RAB3GAP2: variants seen among roughly 807,000 people sequenced by gnomAD.
RAB3GAP2 encodes the protein rab3 GTPase-activating protein non-catalytic subunit.
RAB3GAP2 carries 87 observed loss-of-function variants against 185.3 expected under a neutral mutation model. The ratio of observed to expected loss-of-function variants is 0.47; its 90% confidence interval spans 0.39 to 0.56. The LOEUF (loss-of-function observed/expected upper bound fraction) is 0.56, where lower values mean the gene tolerates loss of function less well. Among genes scored for constraint, RAB3GAP2 ranks in the 20% least tolerant of loss-of-function variants. RAB3GAP2 has a pLI of 0.00. For synonymous variants in RAB3GAP2, 554 were observed against 576.1 expected (o/e 0.96, Z 0.55); for missense variants, 1,492 against 1,638.2 (o/e 0.91, Z 1.54).
intron 1 of RAB3GAP2, among the ~76,000 whole-genome samples, chr1:220,262,326 CA>C (rs1198813662): frequency 6.6e-6 from 1 of 151,530 alleles, no homozygotes; most frequent in Non-Finnish European, 1.5e-5. Context: ...AACAAACAAA[CA>C]AACAAAAAAA....
intron 1 of RAB3GAP2, among the ~76,000 whole-genome samples, chr1:220,257,622 T>C (rs1660055576): frequency 6.6e-6 from 1 of 152,038 alleles, no homozygotes; most frequent in Admixed American, 6.6e-5. Context: ...ATCAAAAAGC[T>C]AGAAGGATCT....
intron 1 of RAB3GAP2, among the ~76,000 whole-genome samples, chr1:220,250,936 T>A (rs1369156292): frequency 3.9e-5 from 6 of 152,222 alleles, no homozygotes; most frequent in African/African-American, 9.6e-5. Flanking sequence ...CCTCTTTTTT[T>A]AATAAATTAC....
At chr1:220,185,528 TATATC>T (rs1658491853) in intron 18 of RAB3GAP2, 118 bp downstream of exon 18, 1 of 677,656 alleles carries the variant, frequency 1.5e-6, no homozygotes, top group Non-Finnish European at 2.6e-6. Context: ...CTTAATTTCT[TATATC>T]TATATTACTT....
At chr1:220,218,787 T>G (rs1489519307) in intron 2 of RAB3GAP2, among the ~76,000 whole-genome samples, 1 of 151,442 alleles carries the variant, frequency 6.6e-6, no homozygotes, top group Non-Finnish European at 1.5e-5. Flanking sequence ...TGCAATGGTG[T>G]TGTGCTCTTA....
At chr1:220,179,883 G>C (rs1658368005) in intron 21 of RAB3GAP2, among the ~76,000 whole-genome samples, 1 of 152,138 alleles carries the variant, frequency 6.6e-6, no homozygotes, top group Non-Finnish European at 1.5e-5. Flanking sequence ...AGGGAAGTCG[G>C]CCGGGTGCGG....
At chr1:220,211,055 T>G in intron 4 of RAB3GAP2, 53 bp from the exon 5 acceptor site, 1 of 1,522,610 alleles carries the variant, frequency 6.6e-7, no homozygotes. Context: ...CCAATTACTT[T>G]TATTTCTCTA....
At chr1:220,206,128 G>T (rs1658961039) in intron 7 of RAB3GAP2, 122 bp from the exon 8 acceptor site, 1 of 646,344 alleles carries the variant, frequency 1.5e-6, no homozygotes, top group Non-Finnish European at 2.7e-6. Context: ...ATATCAGGCA[G>T]AAGAACAGTA....
chr1:220,245,342 A>C (rs1659784340), intron 1 of RAB3GAP2, among the ~76,000 whole-genome samples: 1 of 152,240 alleles, frequency 6.6e-6, no homozygotes, highest in South Asian at 2.1e-4. Context: ...AGGGCGAGGC[A>C]TTGCCTCACT....
chr1:220,189,738 T>A lies in RAB3GAP2; in HGVS notation c.1744A>T (p.Ile582Phe). The A allele has an allele frequency of 1.3e-6, 2 of 1,539,988 alleles. No individual in the cohort carries two copies. The highest frequency in any genetic ancestry group is 1.8e-6 in the Non-Finnish European group (2 of 1,126,560). Reference protein sequence around the residue: ...DLVETEIKELILDIKYPATKK... With the variant: ...DLVETEIKELFLDIKYPATKK... ...GTTGCAGGGTATTTAATATCAAGAA[T>A]TAATTCCTTTATTTCTGTTTCAACC... The change falls in exon 17 of 35, where the codon ATT (isoleucine) becomes TTT (phenylalanine). Residue 582 changes from isoleucine (I) to phenylalanine (F), a missense_variant. Ile to Phe is a conservative substitution (Grantham distance 21). This residue lies in a region of RAB3GAP2 where 681 missense variants were observed against 689.1 expected (regional missense o/e 0.99). Coordinates refer to ENST00000358951, the MANE Select transcript of RAB3GAP2 (RefSeq NM_012414.4).
intron 2 of RAB3GAP2, among the ~76,000 whole-genome samples, chr1:220,227,422 G>C (rs1659421112): frequency 6.6e-6 from 1 of 152,148 alleles, no homozygotes; most frequent in Non-Finnish European, 1.5e-5. Flanking sequence ...GAACATAAAA[G>C]TCATTTTCTG....
intron 1 of RAB3GAP2, among the ~76,000 whole-genome samples, chr1:220,246,111 C>A (rs374089336): frequency 6.6e-6 from 1 of 152,042 alleles, no homozygotes; most frequent in Non-Finnish European, 1.5e-5. Flanking sequence ...AAAAAGTGGG[C>A]GAAGGACATG....
intron 23 of RAB3GAP2, 48 bp from the exon 24 acceptor site, chr1:220,171,168 T>C: frequency 1.3e-6 from 2 of 1,534,590 alleles, no homozygotes; most frequent in Non-Finnish European, 1.8e-6. Context: ...TCTGAATCAA[T>C]ATTAACTTGA....
intron 7 of RAB3GAP2, among the ~76,000 whole-genome samples, chr1:220,206,423 T>C (rs1241721978): frequency 1.3e-5 from 2 of 152,220 alleles, no homozygotes; most frequent in Non-Finnish European, 2.9e-5. Flanking sequence ...CTAACATGTT[T>C]TTTACTACTC....
In RAB3GAP2 at chr1:220,210,453, C is replaced by T. The variant is rs752679335; in HGVS notation, c.547G>A (p.Asp183Asn). 5.0e-6 allele frequency: 8 copies of T among 1,613,922 alleles called. No homozygotes were observed. The East Asian group carries it at 1.3e-4, about 27-fold the overall frequency. ...VLLLAQLLNE[D>N]PVLQLKCRTY... The stretch of plus-strand genomic sequence containing the variant: ...CTGCATTTAAGTTGAAGTACTGGGT[C>T]CTCATTCAAAAGCTGTGCAAGCAAG... The change falls in exon 7 of 35, where the codon GAC becomes AAC. Residue 183 changes from aspartate to asparagine, a missense_variant. Asp to Asn is a conservative substitution (Grantham distance 23, BLOSUM62 1). Transcript: ENST00000358951.
At chr1:220,267,624 C>G in intron 1 of RAB3GAP2, 2 of 1,401,202 alleles carry the variant, frequency 1.4e-6, no homozygotes. Context: ...GGACTGCTTG[C>G]TGTTTTGGGT....
intron 2 of RAB3GAP2, among the ~76,000 whole-genome samples, chr1:220,218,332 G>A (rs1659237357): frequency 6.6e-6 from 1 of 151,994 alleles, no homozygotes; most frequent in Non-Finnish European, 1.5e-5. Flanking sequence ...GTACAACTGA[G>A]CATTACATAT....
chr1:220,253,095 A>C (rs1659968888), intron 1 of RAB3GAP2, among the ~76,000 whole-genome samples: 1 of 152,198 alleles, frequency 6.6e-6, no homozygotes, highest in Non-Finnish European at 1.5e-5. Flanking sequence ...TGTGGAGAAT[A>C]GACAGTTTAC....
rs1219361148 is a variant in RAB3GAP2, at chr1:220,246,688, C to T, written c.116-13825G>A. On this transcript the variant is annotated intron_variant, in intron 1 of 34. Coordinates refer to ENST00000358951, the MANE Select transcript of RAB3GAP2 (RefSeq NM_012414.4). ...CGCAAGAACAAAAAACCAAACACCG[C>T]ATATTCTCACTCATAGGTGGGAATT... 3.8e-5 allele frequency among the ~76,000 whole-genome samples: 5 copies of T among 131,714 alleles called. No homozygotes were observed. The South Asian group carries it at 1.1e-3, about 28-fold the overall frequency. 86.4% of individuals were successfully genotyped at this position (131,714 alleles called of 152,430 possible).
rs1396871266 is a variant in RAB3GAP2 at position 220,148,833 on chromosome 1, C to T, written c.*2418G>A. The T allele has an allele frequency of 6.6e-6, 1 of 152,086 alleles. No homozygotes were observed. Among genetic ancestry groups the T allele is most frequent in the African/African-American group, 2.4e-5 (1 of 41,418 alleles). 9.4% of individuals were successfully genotyped at this position (152,086 alleles called of 1,614,324 possible). On this transcript the variant is annotated 3_prime_UTR_variant, in exon 35 of 35. Transcript: ENST00000358951. ...TACCCTGGCCCCTCTAGTTCTGCAT[C>T]TAAACAGAACCTGTAATGTAGAAGT...
Sources: allele counts gnomAD v4.1 joint callset (sites outside exome capture counted in the v4.1 genomes callset), GRCh38; gene constraint gnomAD v4.1.1; regional missense constraint gnomAD v4.1.1; transcripts MANE v1.5; gene names NCBI Gene and HGNC (gene_info 2026-07-23, HGNC 2026-07-21).